PIEZO2: variants seen among roughly 807,000 people sequenced by gnomAD.
PIEZO2 encodes the protein piezo-type mechanosensitive ion channel component 2.
PIEZO2 carries 172 observed loss-of-function variants against 337.3 expected under a neutral mutation model. The observed-to-expected ratio is 0.51, with a 90% CI of 0.45 to 0.58. The LOEUF (loss-of-function observed/expected upper bound fraction) is 0.58. PIEZO2 is among the 20% of genes least tolerant of loss of function. The pLI is 0.00. For missense variants in PIEZO2, 3,028 were observed against 3,391.3 expected, an observed-to-expected ratio of 0.89 and a Z score of 2.66; for synonymous variants, 1,251 against 1,228.5, an observed-to-expected ratio of 1.02 and a Z score of -0.38.
rs564370909 is a variant in PIEZO2, at chr18:10,805,657, G to A, written c.1080+1455C>T. Among the ~76,000 whole-genome samples, 15 of 152,312 alleles carry A rather than the reference G, an allele frequency of 9.8e-5. No homozygotes were observed. In the South Asian group the frequency reaches 3.1e-3, roughly 32 times the overall value. ...CACAGTCAAATTTTAGAAGAGAACT[G>A]AAGAAAAATATAACACAACATGACT... On this transcript the variant is annotated intron_variant, in intron 8 of 55. Transcript: ENST00000674853.
chr18:11,071,302 G>A (rs2145937796), intron 1 of PIEZO2, among the ~76,000 whole-genome samples: 1 of 152,274 alleles, frequency 6.6e-6, no homozygotes, highest in Middle Eastern at 3.4e-3. Context: ...TCTCTTTCCA[G>A]CTGCTTTTTC....
At chr18:10,843,560 A>C (rs11872393) in intron 7 of PIEZO2, among the ~76,000 whole-genome samples, 65,264 of 151,944 alleles carry the variant, frequency 0.43, 14,227 homozygotes, top group Admixed American at 0.49. Flanking sequence ...CATTTGGAGC[A>C]AATTTAGAAA....
chr18:10,734,478 C>G (rs1236953568), intron 35 of PIEZO2, among the ~76,000 whole-genome samples: 1 of 152,234 alleles, frequency 6.6e-6, no homozygotes, highest in East Asian at 1.9e-4. Context: ...TATCGAACTA[C>G]TCGCTTAACA....
At chr18:11,053,696 T>C (rs1319617217) in intron 2 of PIEZO2, among the ~76,000 whole-genome samples, 3 of 152,214 alleles carry the variant, frequency 2.0e-5, no homozygotes, top group Admixed American at 2.0e-4. Flanking sequence ...ACTCACTATA[T>C]CATAAGTTAT....
intron 4 of PIEZO2, among the ~76,000 whole-genome samples, chr18:10,887,680 A>G (rs767865177): frequency 2.6e-5 from 4 of 152,242 alleles, no homozygotes; most frequent in Non-Finnish European, 5.9e-5. Context: ...ATTGGGAAGC[A>G]TGTGTTGCAT....
Position 10,762,987 on chromosome 18 carries a change from C to T in PIEZO2, c.3058G>A (p.Val1020Ile), listed in dbSNP as rs776666346. 17 of 1,537,302 alleles carry T rather than the reference C, an allele frequency of 1.1e-5. No homozygotes were observed. Among genetic ancestry groups the T allele is most frequent in the East Asian group, 4.9e-5 (2 of 40,912 alleles). Residue 1020 changes from valine to isoleucine, a missense_variant, in exon 22 of 56, where the codon GTC becomes ATC. This residue lies in a region of PIEZO2 where 1,925 missense variants were observed against 2,051.9 expected (regional missense o/e 0.94). Coordinates refer to ENST00000674853, the MANE Select transcript of PIEZO2 (RefSeq NM_001378183.1). ...VCTVWTCVIIVCKMLYQLQTI... is the reference protein window; with the variant it reads ...VCTVWTCVIIICKMLYQLQTI... ...TGGAGCTGGTACAACATTTTGCAGA[C>T]GATGATCACACACGTCCAGACTGTG...
chr18:11,086,518 CA>C (rs35240439), intron 1 of PIEZO2, among the ~76,000 whole-genome samples: 25,722 of 125,154 alleles, frequency 0.21, 2,472 homozygotes, highest in African/African-American at 0.29. Context: ...GACTCCGTCT[CA>C]AAAAAAAAAA....
intron 3 of PIEZO2, among the ~76,000 whole-genome samples, chr18:10,976,279 A>T (rs1029185228): frequency 7.2e-5 from 11 of 152,204 alleles, no homozygotes; most frequent in African/African-American, 2.4e-5. Context: ...TATTAATTTT[A>T]AATGCTACAC....
In PIEZO2 at chr18:10,789,108, G is replaced by A. The variant is rs765207222; in HGVS notation, c.2140C>T (p.Leu714=). The A allele has an allele frequency of 6.5e-6, 10 of 1,537,126 alleles. No homozygotes were observed. Among genetic ancestry groups the A allele is most frequent in the Non-Finnish European group, 7.0e-6 (8 of 1,146,898 alleles). ...IVMYKIIYMV[L]FLFCVALYQV... ...TATAGGGCCACACAGAACAGGAACA[G>A]CACCATGTAGATGATTTTGTACATT... The change falls in exon 15 of 56, where the codon CTG becomes TTG. Residue 714 remains leucine, a synonymous_variant. Coordinates refer to ENST00000674853, the MANE Select transcript of PIEZO2 (RefSeq NM_001378183.1).
In PIEZO2 at chr18:11,104,038, A is replaced by G. The variant is rs2039492368; in HGVS notation, c.65-37816T>C. Among the ~76,000 whole-genome samples, 1 of 152,176 alleles carries G rather than the reference A, an allele frequency of 6.6e-6. No individual in the cohort carries two copies. The highest frequency in any genetic ancestry group is 1.5e-5 in the Non-Finnish European group (1 of 68,030). ...CTTTCAAAACACGTGGATCACTGAA[A>G]GTTACTGGTTTTCATGTCTTCATTT... On this transcript the variant is annotated intron_variant, in intron 1 of 55. Coordinates refer to ENST00000674853, the MANE Select transcript of PIEZO2 (RefSeq NM_001378183.1). The surrounding 1 kb of genome is among the most constrained non-coding windows in gnomAD (Gnocchi z 4.6).
chr18:10,857,491 A>G (rs2041739536), intron 5 of PIEZO2, among the ~76,000 whole-genome samples: 1 of 152,174 alleles, frequency 6.6e-6, no homozygotes, highest in African/African-American at 2.4e-5. Flanking sequence ...AGCAAAGAAG[A>G]AACTCTCTGA....
At chr18:10,675,357 T>C in intron 53 of PIEZO2, 69 bp from the exon 54 acceptor site, 1 of 963,558 alleles carries the variant, frequency 1.0e-6, no homozygotes, top group Non-Finnish European at 1.5e-6. Context: ...TGATTTTTTG[T>C]TGTTATTGTT....
intron 1 of PIEZO2, among the ~76,000 whole-genome samples, chr18:11,145,561 A>G (rs2040788957): frequency 6.6e-6 from 1 of 152,210 alleles, no homozygotes; most frequent in South Asian, 2.1e-4. Context: ...TAGATGGCTA[A>G]AATGTAAAAT....
intron 18 of PIEZO2, among the ~76,000 whole-genome samples, chr18:10,779,591 G>A (rs886153073): frequency 3.3e-5 from 5 of 152,198 alleles, no homozygotes; most frequent in Non-Finnish European, 7.3e-5. Flanking sequence ...GCAAACATAT[G>A]AAATCTGGTG....
At chr18:10,734,446 G>A (rs1421560943) in intron 35 of PIEZO2, among the ~76,000 whole-genome samples, 1 of 152,198 alleles carries the variant, frequency 6.6e-6, no homozygotes, top group Non-Finnish European at 1.5e-5. Context: ...GGTAAAATGT[G>A]AGAAGCACTG....
Position 10,852,544 on chromosome 18 carries a change from A to G in PIEZO2, c.917+2809T>C, listed in dbSNP as rs183608268. 5.9e-5 allele frequency among the ~76,000 whole-genome samples: 9 copies of G among 152,354 alleles called. No individual in the cohort carries two copies. In the East Asian group the frequency reaches 1.7e-3, roughly 29 times the overall value. ...TTTACCACGGCCAAATTTTACACAT[A>G]AATCAATCAAAGCAAGGCCACTGGG... On this transcript the variant is annotated intron_variant, in intron 7 of 55. Coordinates refer to ENST00000674853, the MANE Select transcript of PIEZO2 (RefSeq NM_001378183.1).
chr18:10,932,931 G>T (rs531762596), intron 3 of PIEZO2, among the ~76,000 whole-genome samples: 4 of 148,620 alleles, frequency 2.7e-5, no homozygotes, highest in Admixed American at 2.7e-4. Context: ...CTCTAAAAAA[G>T]GTAAAAAAAA....
chr18:10,890,794 T>C (rs1659794554), intron 4 of PIEZO2: 6 of 152,196 alleles, frequency 3.9e-5, no homozygotes, highest in Admixed American at 3.9e-4. Flanking sequence ...TCTAATTCGC[T>C]TCTGAGCTTA....
intron 1 of PIEZO2, among the ~76,000 whole-genome samples, chr18:11,075,483 G>A (rs966574415): frequency 2.0e-5 from 3 of 152,192 alleles, no homozygotes; most frequent in Non-Finnish European, 4.4e-5. Flanking sequence ...GGTTGAAACC[G>A]TAAATGTCTC....
Sources: gnomAD v4.1 joint callset for allele counts (sites outside exome capture counted in the v4.1 genomes callset) on GRCh38, gnomAD v4.1.1 for gene constraint, gnomAD v4.1.1 regional missense constraint, Gnocchi (gnomAD v3.1) non-coding constraint, MANE v1.5 for transcripts, NCBI Gene and HGNC (gene_info 2026-07-23, HGNC 2026-07-21) for gene names.